PDGFA: variants seen among roughly 807,000 people sequenced by gnomAD.
PDGFA encodes the protein platelet-derived growth factor subunit A.
PDGFA carries 9 observed loss-of-function variants against 25.6 expected under a neutral mutation model. That is an observed-to-expected ratio of 0.35 (90% CI 0.21 to 0.61). The LOEUF (loss-of-function observed/expected upper bound fraction) is 0.61, where lower values mean the gene tolerates loss of function less well. Among genes scored for constraint, PDGFA ranks in the 20% least tolerant of loss-of-function variants. PDGFA has a pLI of 0.75. For synonymous variants in PDGFA, 133 were observed against 111.8 expected, an observed-to-expected ratio of 1.19 and a Z score of -1.20; for missense variants, 242 against 272.8, an observed-to-expected ratio of 0.89 and a Z score of 0.79.
At chr7:514,134 G>C (rs555264087) in intron 2 of PDGFA, among the ~76,000 whole-genome samples, 1 of 152,320 alleles carries the variant, frequency 6.6e-6, no homozygotes, top group East Asian at 1.9e-4. Flanking sequence ...AGCCACGTTT[G>C]CATTAGCTGC....
chr7:500,442 C>A lies in PDGFA; in HGVS notation c.580+674G>T. 6.2e-7 allele frequency: 1 copy of A among 1,614,142 alleles called. No individual in the cohort carries two copies. Among genetic ancestry groups the A allele is most frequent in the South Asian group, 1.1e-5 (1 of 91,082 alleles). ...GCAGACAGTCCTACCTGGTTGGCTG[C>A]TTTAGGTGGGTTTTAACCTTTTTCT... On this transcript the variant is annotated intron_variant, in intron 5 of 5. Transcript: ENST00000402802. The surrounding 1 kb of genome is among the most constrained non-coding windows in gnomAD (Gnocchi z 5.0).
rs1583154200 is a variant in PDGFA at position 511,977 on chromosome 7, G to A, written c.265+374C>T. The stretch of plus-strand genomic sequence containing the variant: ...GGCGCAGGAGCACGATGCCCACACT[G>A]CGAATTGGAAATTAGGCGCGACCAC... On this transcript the variant is annotated intron_variant, in intron 3 of 5. Coordinates refer to ENST00000402802, the Ensembl canonical transcript of PDGFA. Among the ~76,000 whole-genome samples, 3 of 152,346 alleles carry A rather than the reference G, an allele frequency of 2.0e-5. No homozygotes were observed. The Middle Eastern group carries it at 0.01, about 518-fold the overall frequency.
At chr7:518,865 C>T (rs1197878377) in intron 1 of PDGFA, 74 bp downstream of exon 1, 4 of 1,005,294 alleles carry the variant, frequency 4.0e-6, no homozygotes, top group Non-Finnish European at 5.7e-6. Context: ...CTGCAGAGCC[C>T]GTGGCGCCCC....
At chr7:520,093 G>A, upstream of PDGFA, 1 of 395,042 alleles carries the variant, frequency 2.5e-6, no homozygotes, top group Non-Finnish European at 5.0e-6. Context: ...GGGGCTCCGC[G>A]CCCCTCCCTC....
Position 517,362 on chromosome 7 carries a change from C to T in PDGFA, c.160+32G>A. The T allele has an allele frequency of 8.6e-7, 1 of 1,162,772 alleles. No homozygotes were observed. Among genetic ancestry groups the T allele is most frequent in the Non-Finnish European group, 1.1e-6 (1 of 876,762 alleles). 72.0% of individuals were successfully genotyped at this position (1,162,772 alleles called of 1,614,324 possible). ...CGCACAGGCCGCCCGCCCGCGCCCT[C>T]CCCGCGCGCGGAGGGAAGGGGCGCG... On this transcript the variant is annotated intron_variant, in intron 2 of 5. Transcript: ENST00000402802. The surrounding 1 kb of genome is among the most constrained non-coding windows in gnomAD (Gnocchi z 7.4).
exon 6 of PDGFA, chr7:498,386 T>C (rs1782190510): frequency 1.1e-5 from 7 of 620,106 alleles, no homozygotes; most frequent in Non-Finnish European, 2.1e-5. Context: ...AATACTTGCT[T>C]TGATGTCACA....
upstream of PDGFA, chr7:519,964 G>T: frequency 4.0e-6 from 1 of 252,880 alleles, no homozygotes; most frequent in Middle Eastern, 1.2e-3. Flanking sequence ...CCGCACCTCG[G>T]AAGCGCTCGG....
At chr7:508,127 C>A (rs1782643363) in intron 4 of PDGFA, among the ~76,000 whole-genome samples, 1 of 152,154 alleles carries the variant, frequency 6.6e-6, no homozygotes, top group Non-Finnish European at 1.5e-5. Flanking sequence ...AACGACCCGG[C>A]TGGCTGCAAA....
In PDGFA at chr7:498,578, C is replaced by T. The variant is rs747427020; in HGVS notation, c.581-4G>A. 14 of 1,609,954 alleles carry T rather than the reference C, an allele frequency of 8.7e-6. No homozygotes were observed. Among genetic ancestry groups the T allele is most frequent in the Non-Finnish European group, 1.7e-6 (2 of 1,178,404 alleles). ...GCGGCTCATCCTCACCTCACATCTG[C>T]AGGGAGAAGGGAAAGACAGACACTG... is the stretch of plus-strand genomic sequence containing the variant. On this transcript the variant is annotated splice_region_variant and splice_polypyrimidine_tract_variant and intron_variant, in intron 5 of 5. Transcript: ENST00000402802.
At chr7:501,392 T>C (rs1460932492) in intron 4 of PDGFA, 150 bp from the exon 5 acceptor site, 19 of 970,968 alleles carry the variant, frequency 2.0e-5, no homozygotes, top group Non-Finnish European at 2.8e-5. Context: ...GTGGGGAGTG[T>C]AGCAGTACCA....
exon 6 of PDGFA, chr7:497,961 A>AAAAAAAC (rs1782153571): frequency 7.6e-6 from 1 of 132,096 alleles, no homozygotes; most frequent in African/African-American, 2.8e-5. Context: ...AAAAAAAACA[A>AAAAAAAC]AAAAAAAAAA....
At chr7:519,533 G>T (rs1178829748), upstream of PDGFA, 1 of 148,826 alleles carries the variant, frequency 6.7e-6, no homozygotes, top group Non-Finnish European at 1.5e-5. Flanking sequence ...CCGGCCCCGC[G>T]CTCGCCTCCG....
rs1783181144 is a variant in PDGFA, at chr7:517,908, G to A, written c.64-418C>T. 6.6e-6 allele frequency among the ~76,000 whole-genome samples: 1 copy of A among 152,152 alleles called. No individual in the cohort carries two copies. The highest frequency in any genetic ancestry group is 2.4e-5 in the African/African-American group (1 of 41,440). ...TCACGGGTCGGCGAGAGTCACGGCA[G>A]CCCTAACACTTTAATCCAGGCAGGG... On this transcript the variant is annotated intron_variant, in intron 1 of 5. Transcript: ENST00000402802. This position sits in a 1 kb window ranked among gnomAD's most constrained non-coding sequence, Gnocchi z 7.4.
At chr7:513,748 G>A (rs1000950008) in intron 2 of PDGFA, among the ~76,000 whole-genome samples, 8 of 152,118 alleles carry the variant, frequency 5.3e-5, no homozygotes, top group African/African-American at 1.9e-4. Flanking sequence ...AAACCAACCG[G>A]AGAAACCTCA....
chr7:512,167 G>T (rs1782881446), intron 3 of PDGFA, among the ~76,000 whole-genome samples, 184 bp downstream of exon 3: 3 of 152,168 alleles, frequency 2.0e-5, no homozygotes, highest in Admixed American at 2.0e-4. Context: ...CCTCGGGAGA[G>T]GCCAGAGCCA....
At chr7:512,544 T>C (rs1469807365) in intron 2 of PDGFA, 89 bp from the exon 3 acceptor site, 1 of 1,588,550 alleles carries the variant, frequency 6.3e-7, no homozygotes, top group Non-Finnish European at 8.6e-7. Flanking sequence ...AGACCAGCTT[T>C]GGGAGCCACT....
At chr7:515,692 G>A (rs1267397008) in intron 2 of PDGFA, among the ~76,000 whole-genome samples, 3 of 152,202 alleles carry the variant, frequency 2.0e-5, no homozygotes, top group African/African-American at 7.2e-5. Flanking sequence ...CCCTGGGGCA[G>A]GAGGAGAGAG....
exon 6 of PDGFA, chr7:498,308 T>A: frequency 1.9e-6 from 1 of 520,314 alleles, no homozygotes; most frequent in Non-Finnish European, 3.4e-6. Flanking sequence ...TGTGGTTTTG[T>A]TTTCTCTCTC....
chr7:506,287 G>GA (rs369002551), intron 4 of PDGFA, among the ~76,000 whole-genome samples: 74 of 150,154 alleles, frequency 4.9e-4, no homozygotes, highest in Non-Finnish European at 9.9e-4. Flanking sequence ...TTATAACAAA[G>GA]AAAAAAAAAG....
Sources: allele counts gnomAD v4.1 joint callset (sites outside exome capture counted in the v4.1 genomes callset), GRCh38; gene constraint gnomAD v4.1.1; non-coding constraint Gnocchi (gnomAD v3.1); transcripts MANE v1.5; gene names NCBI Gene and HGNC (gene_info 2026-07-23, HGNC 2026-07-21).